The following MIB2 variants were observed in gnomAD, a reference collection of about 807,000 sequenced individuals.
The protein encoded by MIB2 is E3 ubiquitin-protein ligase MIB2.
Under a neutral mutation model 96.6 loss-of-function variants are expected in MIB2, and 78 were observed. That is an observed-to-expected ratio of 0.81 (90% CI 0.67 to 0.97). The LOEUF (loss-of-function observed/expected upper bound fraction) is 0.97, where lower values mean the gene tolerates loss of function less well. Ranked by LOEUF, MIB2 falls within the 50% of genes least tolerant of loss-of-function variation. MIB2 has a pLI of 0.00. For synonymous variants in MIB2, 820 were observed against 629.5 expected, an observed-to-expected ratio of 1.30 and a Z score of -4.53; for missense variants, 1,543 against 1,424.0, an observed-to-expected ratio of 1.08 and a Z score of -1.35.
At chr1:1,622,546 C>T (rs559619408) in intron 2 of MIB2, among the ~76,000 whole-genome samples, 81 of 152,304 alleles carry the variant, frequency 5.3e-4, no homozygotes, top group African/African-American at 1.9e-3. Flanking sequence ...TAAACGGAGC[C>T]GCCTGGCATG....
chr1:1,626,939 G>C lies in MIB2; in HGVS notation c.1180G>C (p.Ala394Pro). Residue 394 changes from alanine to proline, a missense_variant, in exon 10 of 20, where the codon GCC becomes CCC. Transcript: ENST00000355826. The surrounding 1 kb of genome is among the most constrained non-coding windows in gnomAD (Gnocchi z 5.3). The stretch of plus-strand genomic sequence containing the variant: ...GACCTTCAGCCCCTCCTGCCTGGTG[G>C]CCTACCGGCCCGAGGAGGATGCCAA... ...RWTFSPSCLVAYRPEEDANLD... is the reference protein window; with the variant it reads ...RWTFSPSCLVPYRPEEDANLD... The C allele has an allele frequency of 6.2e-7, 1 of 1,610,772 alleles. No homozygotes were observed. The highest frequency in any genetic ancestry group is 8.5e-7 in the Non-Finnish European group (1 of 1,179,526).
At chr1:1,628,766 C>A in intron 16 of MIB2, 44 bp downstream of exon 16, 1 of 1,418,254 alleles carries the variant, frequency 7.1e-7, no homozygotes. Context: ...TGCGGTGGCG[C>A]CGGCAGCAGG....
chr1:1,629,553 C>T lies in MIB2; in HGVS notation c.2550C>T (p.Arg850=). ...TGCTGTTCTCGCCGTGCCAGCACCG[C>T]ACCGTGTGTGAGGGTGAGTGGGGGG... ...LLVLFSPCQH[R]TVCEECARRM... is the part of the protein sequence containing the mutation. Residue 850 remains arginine (R), a synonymous_variant, in exon 18 of 20, where the codon CGC becomes CGT. Transcript: ENST00000355826. 1 of 1,555,650 alleles carries T rather than the reference C, an allele frequency of 6.4e-7. No individual in the cohort carries two copies. The highest frequency in any genetic ancestry group is 8.7e-7 in the Non-Finnish European group (1 of 1,153,960).
rs776735276 is a variant in MIB2, at chr1:1,627,238, G to T, written c.1374+31G>T. 5 of 1,612,166 alleles carry T rather than the reference G, an allele frequency of 3.1e-6. No homozygotes were observed. The African/African-American group carries it at 5.3e-5, about 17-fold the overall frequency. ...CTCCTGACCCCGTCCTCCCATACTG[G>T]CCAGTCTGAGAGTGAGGGGCAGAGG... is the stretch of plus-strand genomic sequence containing the variant. On this transcript the variant is annotated intron_variant, in intron 11 of 19. Transcript: ENST00000355826.
rs1410110887 is a variant in MIB2 at position 1,623,608 on chromosome 1, G to A, written c.156G>A (p.Val52=). Residue 52 remains valine (V), a synonymous_variant, in exon 3 of 20, where the codon GTG becomes GTA. Coordinates refer to ENST00000355826, the MANE Select transcript of MIB2 (RefSeq NM_001170687.4). Reference sequence around the variant, plus strand: ...GCCCCTCGACACCCGACCGCACAGTGGTCGTGCAGTGGGACCAGGGCACGC... The same window carrying A: ...GCCCCTCGACACCCGACCGCACAGTAGTCGTGCAGTGGGACCAGGGCACGC... ...HGSPSTPDRT[V]VVQWDQGTRT... is the part of the protein sequence containing the mutation. 2 of 1,497,962 alleles carry A rather than the reference G, an allele frequency of 1.3e-6. No individual in the cohort carries two copies. The highest frequency in any genetic ancestry group is 2.2e-5 in the Admixed American group (1 of 44,942). 92.8% of individuals were successfully genotyped at this position (1,497,962 alleles called of 1,614,324 possible). A position where few individuals can be genotyped will look rare whatever the true frequency, so the allele number is the denominator to read the frequency against.
chr1:1,615,665 C>T (rs765976225), intron 1 of MIB2, 32 bp downstream of exon 1: 21 of 1,551,978 alleles, frequency 1.4e-5, no homozygotes, highest in African/African-American at 1.1e-4. Flanking sequence ...CTCCCCTGGT[C>T]CTCCGCACCG....
At chr1:1,627,030 G>C (rs778340867) in intron 10 of MIB2, 31 bp downstream of exon 10, 6 of 1,606,308 alleles carry the variant, frequency 3.7e-6, no homozygotes, top group Non-Finnish European at 4.2e-6. Flanking sequence ...CCAGTGGGAG[G>C]TGGGGCTGCC....
In MIB2 at chr1:1,626,167, G is replaced by C; in HGVS notation, c.973-483G>C. 5.1e-6 allele frequency: 1 copy of C among 197,478 alleles called. No individual in the cohort carries two copies. The highest frequency in any genetic ancestry group is 1.0e-5 in the Non-Finnish European group (1 of 96,632). The allele number at this position is 197,478 out of a possible 1,614,324, so 12.2% of individuals were successfully genotyped here. On this transcript the variant is annotated intron_variant, in intron 8 of 19. Coordinates refer to ENST00000355826, the MANE Select transcript of MIB2 (RefSeq NM_001170687.4). The surrounding 1 kb of genome is among the most constrained non-coding windows in gnomAD (Gnocchi z 5.3). The stretch of plus-strand genomic sequence containing the variant: ...GGGCAAAGCGTCAGAGCTCAGCTCT[G>C]GATCTGGGGTCCTGGATACCAGGCA...
In MIB2 at chr1:1,625,069, CGTG is replaced by C. The variant is rs767574704; in HGVS notation, c.607_609del (p.Trp203del). The C allele has an allele frequency of 1.2e-6, 2 of 1,613,122 alleles. No homozygotes were observed. Among genetic ancestry groups the C allele is most frequent in the Non-Finnish European group, 1.7e-6 (2 of 1,179,998 alleles). ...ACAGGCCGGAGTGTGGCCAGCGTGACGTGGGCTGATGGTACCACCAATGTGTAC... is the reference window on the plus strand; with the variant it reads ...ACAGGCCGGAGTGTGGCCAGCGTGACGGCTGATGGTACCACCAATGTGTAC... On this transcript the variant is annotated inframe_deletion, in exon 6 of 20. Coordinates refer to ENST00000355826, the MANE Select transcript of MIB2 (RefSeq NM_001170687.4). The surrounding 1 kb of genome is among the most constrained non-coding windows in gnomAD (Gnocchi z 5.0).
chr1:1,616,499 C>T lies in MIB2; in HGVS notation c.-129-9C>T, dbSNP rs748014728. 2 of 1,564,256 alleles carry T rather than the reference C, an allele frequency of 1.3e-6. No individual in the cohort carries two copies. The highest frequency in any genetic ancestry group is 1.2e-5 in the South Asian group (1 of 85,430). The stretch of plus-strand genomic sequence containing the variant: ...AACTGTGCATCTTGGCATCTCCCCT[C>T]GGCCACAGGGTTGGAAGCCCAGCGA... On this transcript the variant is annotated splice_polypyrimidine_tract_variant and intron_variant, in intron 1 of 19. Transcript: ENST00000355826.
Position 1,615,526 on chromosome 1 carries a change from C to T in MIB2, c.-237C>T, listed in dbSNP as rs879727710. On this transcript the variant is annotated 5_prime_UTR_variant, in exon 1 of 20. Transcript: ENST00000355826. Reference sequence around the variant, plus strand: ...CCCTTCGGGTCCCACAGTTTCCAGCCGCCGCTCTCCTCAGTGCCCGGTGGC... The same window carrying T: ...CCCTTCGGGTCCCACAGTTTCCAGCTGCCGCTCTCCTCAGTGCCCGGTGGC... 92 of 1,532,330 alleles carry T rather than the reference C, an allele frequency of 6.0e-5. No homozygotes were observed. The highest frequency in any genetic ancestry group is 7.6e-5 in the Non-Finnish European group (87 of 1,145,350). 94.9% of individuals were successfully genotyped at this position (1,532,330 alleles called of 1,614,324 possible).
upstream of MIB2, chr1:1,614,793 G>C (rs1557538326): frequency 6.6e-6 from 1 of 152,524 alleles, no homozygotes; most frequent in African/African-American, 2.4e-5. Context: ...TAGGAGGGCA[G>C]ATCACGAGGT....
Position 1,625,392 on chromosome 1 carries a change from G to T in MIB2, c.828G>T (p.Gln276His). The change falls in exon 7 of 20, where the codon CAG becomes CAT. Residue 276 changes from glutamine to histidine, a missense_variant. Gln to His is a conservative substitution (Grantham distance 24, BLOSUM62 0). Transcript: ENST00000355826. The surrounding 1 kb of genome is among the most constrained non-coding windows in gnomAD (Gnocchi z 5.0). Reference protein sequence around the residue: ...LLDTDVLREMQEGHGGWNPRM... With the variant: ...LLDTDVLREMHEGHGGWNPRM... ...ACACTGATGTCCTGCGGGAGATGCA[G>T]GAAGGCCACGGCGGCTGGAACCCCA... The T allele has an allele frequency of 6.3e-7, 1 of 1,582,596 alleles. No homozygotes were observed.
In MIB2 at chr1:1,615,556, G is replaced by A. The variant is rs1240759423; in HGVS notation, c.-207G>A. ...CTCTCCTCAGTGCCCGGTGGCCCAG[G>A]AGGGCCTGGGAGCCCGAAGCCGTCC... On this transcript the variant is annotated 5_prime_UTR_variant, in exon 1 of 20. Coordinates refer to ENST00000355826, the MANE Select transcript of MIB2 (RefSeq NM_001170687.4). 2.6e-6 allele frequency: 4 copies of A among 1,537,474 alleles called. No homozygotes were observed. The highest frequency in any genetic ancestry group is 3.5e-6 in the Non-Finnish European group (4 of 1,146,370).
Position 1,626,634 on chromosome 1 carries a change from CCT to C in MIB2, c.973-13_973-12del, listed in dbSNP as rs753657171. ...ACACAGCTGGGGGGCCCCTCACGCCCCTCTTTGTCGCTCAGCACCACTCCTTC... is the reference window on the plus strand; with the variant it reads ...ACACAGCTGGGGGGCCCCTCACGCCCCTTTGTCGCTCAGCACCACTCCTTC... On this transcript the variant is annotated splice_polypyrimidine_tract_variant and intron_variant, in intron 8 of 19. Coordinates refer to ENST00000355826, the MANE Select transcript of MIB2 (RefSeq NM_001170687.4). The surrounding 1 kb of genome is among the most constrained non-coding windows in gnomAD (Gnocchi z 5.3). 6 of 1,537,840 alleles carry C rather than the reference CCT, an allele frequency of 3.9e-6. No individual in the cohort carries two copies. Among genetic ancestry groups the C allele is most frequent in the Non-Finnish European group, 5.2e-6 (6 of 1,144,072 alleles).
chr1:1,618,104 G>C (rs1643912858), intron 2 of MIB2: 2 of 152,790 alleles, frequency 1.3e-5, no homozygotes, highest in Admixed American at 1.3e-4. Context: ...CACCAGTGCT[G>C]GGCTGTGGCT....
chr1:1,615,253 T>C (rs1421133750), upstream of MIB2: 5 of 1,053,294 alleles, frequency 4.7e-6, no homozygotes, highest in South Asian at 3.8e-5. Context: ...GCGCGGCAAG[T>C]GCCGCCAGTG....
At position 1,621,915 on chromosome 1, in the gene MIB2, C is replaced by T. The variant is rs553435997; in HGVS notation, c.-22-1516C>T. Among the ~76,000 whole-genome samples the T allele has an allele frequency of 1.1e-4, 16 of 152,372 alleles. No homozygotes were observed. In the South Asian group the frequency reaches 1.7e-3, roughly 16 times the overall value. ...TGCTCGGGGGACAACCTGTGGGGCT[C>T]AGGCCCCTGAGTCAGAGCAGGAGTC... On this transcript the variant is annotated intron_variant, in intron 2 of 19. Transcript: ENST00000355826.
Position 1,624,854 on chromosome 1 carries a change from G to C in MIB2, c.479G>C (p.Gly160Ala), listed in dbSNP as rs1190041827. The C allele has an allele frequency of 1.2e-6, 2 of 1,613,042 alleles. No homozygotes were observed. The highest frequency in any genetic ancestry group is 2.7e-5 in the African/African-American group (2 of 74,958). Residue 160 changes from glycine to alanine, a missense_variant, in exon 5 of 20, where the codon GGA becomes GCA. Gly to Ala is a moderately conservative substitution (Grantham distance 60, BLOSUM62 0). Transcript: ENST00000355826. ...ATCCCACTAAGGGGCATCTTCCAGGGAGCGAAGGTGGTGCGAGGCCCCGAC... is the reference window on the plus strand; with the variant it reads ...ATCCCACTAAGGGGCATCTTCCAGGCAGCGAAGGTGGTGCGAGGCCCCGAC... ...PRIPLRGIFQ[G>A]AKVVRGPDWE...
Sources: gnomAD v4.1 joint callset for allele counts (sites outside exome capture counted in the v4.1 genomes callset) on GRCh38, gnomAD v4.1.1 for gene constraint, Gnocchi (gnomAD v3.1) non-coding constraint, MANE v1.5 for transcripts, NCBI Gene and HGNC (gene_info 2026-07-23, HGNC 2026-07-21) for gene names.